Variants in CLHC1 observed in about 807,000 individuals in gnomAD.
CLHC1 encodes the protein clathrin heavy chain linker domain containing 1, also known as clathrin heavy chain linker domain-containing protein 1.
A neutral mutation model predicts 69.5 loss-of-function variants in CLHC1; 72 were observed. The observed-to-expected ratio is 1.04, with a 90% CI of 0.86 to 1.26. The LOEUF (loss-of-function observed/expected upper bound fraction) is 1.26. Among genes scored for constraint, CLHC1 ranks in the 50% most tolerant of loss-of-function variants. CLHC1 has a pLI of 0.00. For missense variants in CLHC1, 790 were observed against 679.3 expected, an observed-to-expected ratio of 1.16 and a Z score of -1.81; for synonymous variants, 223 against 224.3, an observed-to-expected ratio of 0.99 and a Z score of 0.05.
intron 3 of CLHC1, among the ~76,000 whole-genome samples, chr2:55,221,659 A>G (rs1160424124): frequency 1.3e-5 from 2 of 152,380 alleles, no homozygotes; most frequent in Non-Finnish European, 2.9e-5. Flanking sequence ...CAGAGGGTAC[A>G]TACAGCCAGG....
At chr2:55,183,710 C>T (rs1055410035) in intron 9 of CLHC1, among the ~76,000 whole-genome samples, 1 of 152,162 alleles carries the variant, frequency 6.6e-6, no homozygotes, top group Non-Finnish European at 1.5e-5. Flanking sequence ...TTGTATAGTG[C>T]TTTGAAATTA....
intron 9 of CLHC1, among the ~76,000 whole-genome samples, chr2:55,199,861 A>T (rs750737663): frequency 6.6e-6 from 1 of 152,162 alleles, no homozygotes; most frequent in African/African-American, 2.4e-5. Context: ...CCAAAAAATA[A>T]CAAAATGACA....
At chr2:55,224,524 C>A in intron 2 of CLHC1, 1 of 303,688 alleles carries the variant, frequency 3.3e-6, no homozygotes, top group Non-Finnish European at 6.8e-6. Flanking sequence ...ATCCTGGAGT[C>A]TGAGAAGTCC....
intron 1 of CLHC1, among the ~76,000 whole-genome samples, chr2:55,228,788 C>T (rs1403554423): frequency 6.6e-6 from 1 of 152,132 alleles, no homozygotes; most frequent in Admixed American, 6.5e-5. Context: ...AATGGAGACA[C>T]AGTATTGAAC....
chr2:55,183,794 T>C (rs1192313514), intron 9 of CLHC1, among the ~76,000 whole-genome samples: 1 of 152,192 alleles, frequency 6.6e-6, no homozygotes, highest in Non-Finnish European at 1.5e-5. Flanking sequence ...CTTTATTTCT[T>C]TTTTTGAGAT....
chr2:55,224,855 G>C, intron 2 of CLHC1: 1 of 258,916 alleles, frequency 3.9e-6, no homozygotes, highest in Non-Finnish European at 8.2e-6. Context: ...AGTGCAGCCG[G>C]GGCTGGGTCA....
At chr2:55,232,545 A>G, upstream of CLHC1, 1 of 544,802 alleles carries the variant, frequency 1.8e-6, no homozygotes, top group Non-Finnish European at 3.3e-6. Context: ...GGCTAGGGAG[A>G]GGAGAAACGA....
chr2:55,210,945 C>T (rs932887850), intron 5 of CLHC1, among the ~76,000 whole-genome samples: 1 of 152,128 alleles, frequency 6.6e-6, no homozygotes, highest in African/African-American at 2.4e-5. Context: ...CCTCTCACTT[C>T]AGCATTCCAA....
At chr2:55,177,813 T>C (rs533665450) in intron 11 of CLHC1, 32 bp from the exon 12 acceptor site, 2 of 1,493,928 alleles carry the variant, frequency 1.3e-6, no homozygotes, top group Non-Finnish European at 9.2e-7. Context: ...TTTATCTCAA[T>C]GTCCTAATAT....
intron 11 of CLHC1, among the ~76,000 whole-genome samples, chr2:55,178,917 A>AATTATTATTATT (rs67704586): frequency 4.8e-5 from 7 of 144,408 alleles, no homozygotes; most frequent in African/African-American, 1.8e-4. Flanking sequence ...TTTTTTAAAA[A>AATTATTATTATT]ATTATTATTA....
intron 9 of CLHC1, among the ~76,000 whole-genome samples, chr2:55,200,763 A>C (rs1671874329): frequency 6.6e-6 from 1 of 152,234 alleles, no homozygotes; most frequent in Non-Finnish European, 1.5e-5. Flanking sequence ...ATTCTCAAGG[A>C]AAGACCATAT....
At chr2:55,232,442 T>A (rs546062878), upstream of CLHC1, 29 of 307,064 alleles carry the variant, frequency 9.4e-5, no homozygotes, top group African/African-American at 6.2e-4. Flanking sequence ...GCCACGTTGA[T>A]TGTACGGGAA....
chr2:55,185,745 C>T (rs1280378083), intron 9 of CLHC1, among the ~76,000 whole-genome samples: 3 of 152,150 alleles, frequency 2.0e-5, no homozygotes, highest in African/African-American at 7.2e-5. Flanking sequence ...TTGGGTCTTA[C>T]TAATCTTTGT....
intron 9 of CLHC1, among the ~76,000 whole-genome samples, chr2:55,188,246 G>T (rs1375794252): frequency 1.3e-5 from 2 of 152,110 alleles, no homozygotes; most frequent in African/African-American, 4.8e-5. Context: ...AGCCCAGGAG[G>T]TTGAGGCTGC....
At chr2:55,202,196 C>G (rs1468884771) in intron 9 of CLHC1, among the ~76,000 whole-genome samples, 1 of 146,282 alleles carries the variant, frequency 6.8e-6, no homozygotes, top group African/African-American at 2.5e-5. Flanking sequence ...AAAGGGCATC[C>G]AAATTGGAAA....
intron 11 of CLHC1, among the ~76,000 whole-genome samples, chr2:55,180,269 T>C (rs565572237): frequency 2.2e-4 from 33 of 152,312 alleles, no homozygotes; most frequent in African/African-American, 7.2e-4. Flanking sequence ...TCCAGGACTA[T>C]CTGGCTTATT....
At position 55,173,183 on chromosome 2, in the gene CLHC1, C is replaced by T. The variant is rs1028139261; in HGVS notation, c.*2607G>A. Among the ~76,000 whole-genome samples the T allele has an allele frequency of 6.6e-6, 1 of 152,162 alleles. No homozygotes were observed. The highest frequency in any genetic ancestry group is 6.5e-5 in the Admixed American group (1 of 15,282). Reference sequence around the variant, plus strand: ...GAAGACACGCTCAAGACAGCAAGACCTAATAGAACACATGAACGTTGGTTA... The same window carrying T: ...GAAGACACGCTCAAGACAGCAAGACTTAATAGAACACATGAACGTTGGTTA... On this transcript the variant is annotated 3_prime_UTR_variant, in exon 13 of 13. Coordinates refer to ENST00000401408, the MANE Select transcript of CLHC1 (RefSeq NM_152385.4).
intron 11 of CLHC1, 35 bp from the exon 12 acceptor site, chr2:55,177,816 C>T: frequency 1.4e-6 from 2 of 1,479,986 alleles, no homozygotes; most frequent in African/African-American, 2.8e-5. Flanking sequence ...ATCTCAATGT[C>T]CTAATATCAT....
chr2:55,212,890 T>C, intron 4 of CLHC1, 84 bp from the exon 5 acceptor site: 1 of 1,060,484 alleles, frequency 9.4e-7, no homozygotes, highest in South Asian at 1.3e-5. Context: ...GGTTAAATCA[T>C]TACTTTATTT....
Sources: gnomAD v4.1 joint callset for allele counts (sites outside exome capture counted in the v4.1 genomes callset) on GRCh38, gnomAD v4.1.1 for gene constraint, MANE v1.5 for transcripts, NCBI Gene and HGNC (gene_info 2026-07-23, HGNC 2026-07-21) for gene names.